PTPN4: variants seen among roughly 807,000 people sequenced by gnomAD.
The protein encoded by PTPN4 is protein tyrosine phosphatase non-receptor type 4.
PTPN4 carries 49 observed loss-of-function variants against 135.5 expected under a neutral mutation model. The observed-to-expected ratio is 0.36, with a 90% CI of 0.29 to 0.46. PTPN4 has a LOEUF of 0.46. PTPN4 is among the 20% of genes least tolerant of loss of function. The pLI, the probability that PTPN4 is intolerant of heterozygous loss-of-function variation, is 1.00. For synonymous variants in PTPN4, 333 were observed against 369.9 expected (o/e 0.90, Z 1.14); for missense variants, 860 against 1,101.0 (o/e 0.78, Z 3.10).
intron 18 of PTPN4, among the ~76,000 whole-genome samples, chr2:119,947,933 C>T (rs947888341): frequency 6.6e-6 from 1 of 152,004 alleles, no homozygotes; most frequent in African/African-American, 2.4e-5. Context: ...CCCACAGGGA[C>T]CTCTCAGTCT....
chr2:119,801,213 G>A (rs931392514), intron 1 of PTPN4, among the ~76,000 whole-genome samples: 1 of 152,006 alleles, frequency 6.6e-6, no homozygotes, highest in African/African-American at 2.4e-5. Context: ...TTAGCCTACT[G>A]AGTAGCTGGG....
chr2:119,947,403 G>A (rs1679151030), intron 18 of PTPN4, among the ~76,000 whole-genome samples: 2 of 152,122 alleles, frequency 1.3e-5, no homozygotes, highest in Non-Finnish European at 2.9e-5. Context: ...TGTGGTTTTG[G>A]TTCTGGTTTT....
At chr2:119,834,205 A>G (rs1677259236) in intron 2 of PTPN4, among the ~76,000 whole-genome samples, 1 of 152,166 alleles carries the variant, frequency 6.6e-6, no homozygotes, top group Non-Finnish European at 1.5e-5. Context: ...AGGTATTTTG[A>G]AATATATAAT....
chr2:119,962,751 A>C lies in PTPN4; in HGVS notation c.2409+7A>C. 6.4e-7 allele frequency: 1 copy of C among 1,566,406 alleles called. No homozygotes were observed. Among genetic ancestry groups the C allele is most frequent in the East Asian group, 2.3e-5 (1 of 44,048 alleles). ...GACCCTATTTAACCAAGAGGTAAGA[A>C]GGCAGGATATCTGTTCATTAGAACT... On this transcript the variant is annotated splice_region_variant and intron_variant, in intron 24 of 26. Transcript: ENST00000263708.
chr2:119,840,590 T>C (rs202028196), intron 2 of PTPN4, among the ~76,000 whole-genome samples: 2 of 152,192 alleles, frequency 1.3e-5, no homozygotes, highest in East Asian at 1.9e-4. Context: ...TTATATTCCT[T>C]TGGGTATGTA....
intron 1 of PTPN4, among the ~76,000 whole-genome samples, chr2:119,801,471 A>C (rs2104942503): frequency 6.6e-6 from 1 of 152,236 alleles, no homozygotes; most frequent in South Asian, 2.1e-4. Flanking sequence ...ATTACATTAA[A>C]CCTGTATGCC....
At chr2:119,885,740 A>T in intron 8 of PTPN4, 55 bp from the exon 9 acceptor site, 1 of 1,245,798 alleles carries the variant, frequency 8.0e-7, no homozygotes, top group Non-Finnish European at 1.1e-6. Context: ...TAATTTAGCC[A>T]TATTTATTTG....
At chr2:119,949,862 G>A (rs1679187695) in intron 18 of PTPN4, among the ~76,000 whole-genome samples, 1 of 151,468 alleles carries the variant, frequency 6.6e-6, no homozygotes, top group Non-Finnish European at 1.5e-5. Context: ...GCAAGACCCT[G>A]TCTGAAATAC....
Position 119,885,831 on chromosome 2 carries a change from A to G in PTPN4, c.624A>G (p.Leu208=), listed in dbSNP as rs1451439349. ...LSPAEAEFNY[L]NTARTLELYG... ...CTGCAGAAGCAGAATTTAATTACCT[A>G]AACACAGCACGTACCTTAGAACTCT... Residue 208 remains leucine, a synonymous_variant, in exon 9 of 27, where the codon CTA becomes CTG. Coordinates refer to ENST00000263708, the MANE Select transcript of PTPN4 (RefSeq NM_002830.4). 1 of 1,605,362 alleles carries G rather than the reference A, an allele frequency of 6.2e-7. No individual in the cohort carries two copies. Among genetic ancestry groups the G allele is most frequent in the Non-Finnish European group, 8.5e-7 (1 of 1,176,954 alleles).
At chr2:119,945,313 T>C in intron 16 of PTPN4, 73 bp downstream of exon 16, 1 of 1,380,060 alleles carries the variant, frequency 7.2e-7, no homozygotes, top group Non-Finnish European at 9.7e-7. Flanking sequence ...CTTTTGTACT[T>C]TGGCAGTTTT....
At position 119,809,918 on chromosome 2, in the gene PTPN4, G is replaced by T; in HGVS notation, c.65G>T (p.Arg22Leu). Residue 22 changes from arginine to leucine, a missense_variant, in exon 2 of 27, where the codon CGA becomes CTA. Arg to Leu is a moderately radical substitution (Grantham distance 102). Coordinates refer to ENST00000263708, the MANE Select transcript of PTPN4 (RefSeq NM_002830.4). ...TYNVRASELA[R>L]DRQHTEVVCN... ...AATGTACGAGCATCAGAGTTGGCCC[G>T]AGACAGACAGCATACTGAAGTGGTT... 1.2e-6 allele frequency: 2 copies of T among 1,613,534 alleles called. No individual in the cohort carries two copies. Among genetic ancestry groups the T allele is most frequent in the Non-Finnish European group, 1.7e-6 (2 of 1,179,804 alleles).
rs1679717409 is a variant in PTPN4 at position 119,983,059 on chromosome 2, T to G, written c.*5989T>G. On this transcript the variant is annotated 3_prime_UTR_variant, in exon 27 of 27. Transcript: ENST00000263708. ...CATTATTTTTATTTCTCTTTCCACG[T>G]CTCCAACTTTTTAAAAATCACTAAT... 1 of 152,156 alleles carries G rather than the reference T, an allele frequency of 6.6e-6. No individual in the cohort carries two copies. The highest frequency in any genetic ancestry group is 2.4e-5 in the African/African-American group (1 of 41,434). The allele number at this position is 152,156 out of a possible 1,614,324, so 9.4% of individuals were successfully genotyped here.
chr2:119,853,552 T>G (rs567648173), intron 2 of PTPN4, among the ~76,000 whole-genome samples: 142 of 152,228 alleles, frequency 9.3e-4, no homozygotes, highest in Non-Finnish European at 3.4e-4. Flanking sequence ...ATAAAAACCT[T>G]ATCTACTTTT....
intron 2 of PTPN4, among the ~76,000 whole-genome samples, chr2:119,814,638 T>C (rs550225586): frequency 6.6e-6 from 1 of 152,200 alleles, no homozygotes; most frequent in Non-Finnish European, 1.5e-5. Flanking sequence ...AAAATTTTCT[T>C]AGGGTAGTCT....
At chr2:119,926,790 A>G in intron 13 of PTPN4, 124 bp downstream of exon 13, 4 of 685,568 alleles carry the variant, frequency 5.8e-6, no homozygotes, top group Non-Finnish European at 9.7e-6. Flanking sequence ...TTACAGAATT[A>G]TCACAATTCT....
intron 10 of PTPN4, among the ~76,000 whole-genome samples, chr2:119,906,944 A>G (rs1258161964): frequency 1.3e-5 from 2 of 152,204 alleles, no homozygotes; most frequent in African/African-American, 4.8e-5. Flanking sequence ...TCTTAGAACT[A>G]TTAAGTGAAT....
intron 2 of PTPN4, among the ~76,000 whole-genome samples, chr2:119,827,971 C>T (rs1021956923): frequency 6.6e-6 from 1 of 152,252 alleles, no homozygotes; most frequent in Non-Finnish European, 1.5e-5. Context: ...TGAATCTTGG[C>T]TGGCTTCTAA....
intron 26 of PTPN4, among the ~76,000 whole-genome samples, chr2:119,975,723 TA>T (rs535821062): frequency 1.7e-4 from 26 of 150,862 alleles, no homozygotes; most frequent in African/African-American, 5.1e-4. Flanking sequence ...AGACTCCGTC[TA>T]AAAAAAAATG....
intron 1 of PTPN4, among the ~76,000 whole-genome samples, chr2:119,769,804 C>T (rs560510189): frequency 6.6e-6 from 1 of 152,254 alleles, no homozygotes; most frequent in African/African-American, 2.4e-5. Context: ...AAAAAAATGC[C>T]CTGAGTGAAC....
Sources: allele counts gnomAD v4.1 joint callset (sites outside exome capture counted in the v4.1 genomes callset), GRCh38; gene constraint gnomAD v4.1.1; transcripts MANE v1.5; gene names NCBI Gene and HGNC (gene_info 2026-07-23, HGNC 2026-07-21).